Variants in KAT6A observed in about 807,000 individuals in gnomAD.
The protein encoded by KAT6A is lysine acetyltransferase 6A.
In KAT6A, 9 loss-of-function variants were observed where a neutral mutation model predicts 198.4. The ratio of observed to expected loss-of-function variants is 0.05; its 90% CI spans 0.03 to 0.08. The LOEUF is 0.08. KAT6A is among the 10% of genes least tolerant of loss of function. The probability of loss-of-function intolerance (pLI) is 1.00; values close to 1 mark genes in which losing one functional copy is unlikely to be tolerated. For synonymous variants in KAT6A, 890 were observed against 883.0 expected, an observed-to-expected ratio of 1.01 and a Z score of -0.14; for missense variants, 2,077 against 2,509.9, an observed-to-expected ratio of 0.83 and a Z score of 3.69.
chr8:41,974,078 C>T (rs1344811592), intron 8 of KAT6A, among the ~76,000 whole-genome samples: 2 of 151,140 alleles, frequency 1.3e-5, no homozygotes, highest in Non-Finnish European at 2.9e-5. Context: ...CAAAGAATTG[C>T]AATTTTTTTT....
chr8:41,948,119 T>C (rs1373380136), intron 10 of KAT6A, among the ~76,000 whole-genome samples: 2 of 152,204 alleles, frequency 1.3e-5, no homozygotes, highest in Non-Finnish European at 1.5e-5. Flanking sequence ...ATATAAAACC[T>C]CATACCTTCA....
intron 2 of KAT6A, among the ~76,000 whole-genome samples, chr8:42,003,789 C>G (rs1484216204): frequency 6.6e-6 from 1 of 152,028 alleles, no homozygotes; most frequent in Non-Finnish European, 1.5e-5. Context: ...AGCTGGGGCC[C>G]TAATCCAATA....
At chr8:41,975,461 G>C (rs1276607139) in intron 7 of KAT6A, among the ~76,000 whole-genome samples, 1 of 152,160 alleles carries the variant, frequency 6.6e-6, no homozygotes, top group African/African-American at 2.4e-5. Flanking sequence ...AGATGACACT[G>C]CTGTTGGGCT....
chr8:41,988,067 A>T (rs1310814363), intron 2 of KAT6A, among the ~76,000 whole-genome samples: 1 of 152,256 alleles, frequency 6.6e-6, no homozygotes, highest in Non-Finnish European at 1.5e-5. Flanking sequence ...AAAGGTTGAA[A>T]GGGGAAAACA....
chr8:41,951,349 G>GA (rs986653350), intron 9 of KAT6A, among the ~76,000 whole-genome samples: 2 of 150,486 alleles, frequency 1.3e-5, no homozygotes, highest in Non-Finnish European at 3.0e-5. Context: ...GAATCATCTA[G>GA]AAAAAAAACT....
At chr8:42,047,739 G>A (rs1802386462) in intron 2 of KAT6A, among the ~76,000 whole-genome samples, 1 of 152,098 alleles carries the variant, frequency 6.6e-6, no homozygotes, top group African/African-American at 2.4e-5. Flanking sequence ...TTAGGATACT[G>A]TATTCCTGTC....
chr8:41,971,347 T>C (rs1041163151), intron 8 of KAT6A, among the ~76,000 whole-genome samples: 1 of 151,248 alleles, frequency 6.6e-6, no homozygotes, highest in Admixed American at 6.6e-5. Context: ...GGGGATAGAG[T>C]GACACAATGG....
chr8:41,991,435 T>A (rs1638620030), intron 2 of KAT6A, among the ~76,000 whole-genome samples: 1 of 152,170 alleles, frequency 6.6e-6, no homozygotes, highest in African/African-American at 2.4e-5. Flanking sequence ...TACATTGTTA[T>A]GTCAGGAAAG....
intron 2 of KAT6A, among the ~76,000 whole-genome samples, chr8:42,021,422 C>T (rs1353845987): frequency 2.0e-5 from 3 of 152,124 alleles, no homozygotes; most frequent in Non-Finnish European, 2.9e-5. Flanking sequence ...TCAGGCTAAA[C>T]ACAATCTTTA....
intron 2 of KAT6A, among the ~76,000 whole-genome samples, chr8:42,045,193 C>G (rs1802154446): frequency 1.3e-5 from 2 of 152,164 alleles, no homozygotes; most frequent in African/African-American, 4.8e-5. Context: ...AATTAGTTTT[C>G]CAATGAGATT....
At chr8:41,935,166 T>C (rs1821785733) in intron 16 of KAT6A, among the ~76,000 whole-genome samples, 1 of 152,252 alleles carries the variant, frequency 6.6e-6, no homozygotes, top group South Asian at 2.1e-4. Flanking sequence ...GGGAAGTTAC[T>C]CTACATTTCA....
In KAT6A at chr8:41,974,684, A is replaced by AC; in HGVS notation, c.1482+19dup. On this transcript the variant is annotated intron_variant, in intron 8 of 16. Coordinates refer to ENST00000265713, the MANE Select transcript of KAT6A (RefSeq NM_006766.5). ...CATGAACAAGTTGCTTGATTGTCTA[A>AC]CCTGAATATCCAACTTTACCTGCAG... 6.8e-7 allele frequency: 1 copy of AC among 1,470,492 alleles called. No individual in the cohort carries two copies. The highest frequency in any genetic ancestry group is 1.7e-4 in the Middle Eastern group (1 of 5,786). The allele number at this position is 1,470,492 out of a possible 1,614,324, so 91.1% of individuals were successfully genotyped here.
rs75855407 is a variant in KAT6A, at chr8:41,983,516, C to A, written c.710-1562G>T. Among the ~76,000 whole-genome samples, 344 of 152,252 alleles carry A rather than the reference C, an allele frequency of 2.3e-3. 1 individual carries two copies. The highest frequency in any genetic ancestry group is 8.0e-3 in the African/African-American group (333 of 41,548). On this transcript the variant is annotated intron_variant, in intron 3 of 16. Coordinates refer to ENST00000265713, the MANE Select transcript of KAT6A (RefSeq NM_006766.5). The stretch of plus-strand genomic sequence containing the variant: ...TTATATTCCTTAAACTGATCATATT[C>A]CACTGACTGATATACTATAACCTGC...
At chr8:42,035,346 T>C (rs916487690) in intron 2 of KAT6A, among the ~76,000 whole-genome samples, 1 of 152,130 alleles carries the variant, frequency 6.6e-6, no homozygotes, top group African/African-American at 2.4e-5. Flanking sequence ...CTGAAGAGAC[T>C]GACATAAAAT....
intron 1 of KAT6A, 53 bp downstream of exon 1, chr8:42,051,848 G>A (rs997425441): frequency 2.0e-5 from 3 of 148,714 alleles, no homozygotes; most frequent in Non-Finnish European, 4.5e-5. Context: ...GGAGCGGCTC[G>A]GCCTCGGGCT....
At chr8:41,963,162 C>T (rs2150876695) in intron 8 of KAT6A, among the ~76,000 whole-genome samples, 1 of 152,252 alleles carries the variant, frequency 6.6e-6, no homozygotes, top group Middle Eastern at 3.4e-3. Context: ...ACTGCTAAAT[C>T]TCTAGTGCTT....
chr8:42,050,474 T>A (rs531030378), intron 1 of KAT6A, among the ~76,000 whole-genome samples: 21 of 152,324 alleles, frequency 1.4e-4, no homozygotes, highest in Non-Finnish European at 2.9e-4. Flanking sequence ...CAACTATTCT[T>A]GGTAGTGACA....
chr8:41,979,449 G>A (rs559632066), intron 5 of KAT6A, among the ~76,000 whole-genome samples: 1 of 151,896 alleles, frequency 6.6e-6, no homozygotes, highest in South Asian at 2.1e-4. Context: ...GACAAGCCTG[G>A]CCAACATGGT....
At chr8:41,970,569 G>C (rs1014980572) in intron 8 of KAT6A, among the ~76,000 whole-genome samples, 3 of 152,160 alleles carry the variant, frequency 2.0e-5, no homozygotes, top group Non-Finnish European at 2.9e-5. Context: ...CAAGTACTCA[G>C]TAGATAGCAG....
Sources: gnomAD v4.1 joint callset for allele counts (sites outside exome capture counted in the v4.1 genomes callset) on GRCh38, gnomAD v4.1.1 for gene constraint, MANE v1.5 for transcripts, NCBI Gene and HGNC (gene_info 2026-07-23, HGNC 2026-07-21) for gene names.